Variants in TANC1 observed in about 807,000 individuals in gnomAD.
TANC1 encodes the protein tetratricopeptide repeat, ankyrin repeat and coiled-coil containing 1.
In TANC1, 77 loss-of-function variants were observed where a neutral mutation model predicts 149.7. The observed-to-expected ratio is 0.51, with a 90% CI of 0.43 to 0.62. The LOEUF is 0.62. TANC1 is among the 20% of genes least tolerant of loss of function. The pLI is 0.00. For missense variants in TANC1, 1,985 were observed against 2,321.8 expected, an observed-to-expected ratio of 0.85 and a Z score of 2.98; for synonymous variants, 854 against 925.0, an observed-to-expected ratio of 0.92 and a Z score of 1.39.
intron 22 of TANC1, among the ~76,000 whole-genome samples, chr2:159,220,745 C>T (rs770184380): frequency 8.5e-5 from 13 of 152,092 alleles, no homozygotes; most frequent in Non-Finnish European, 1.8e-4. Flanking sequence ...CATGCACCAC[C>T]GTACCTGGCT....
chr2:159,060,141 C>G, intron 2 of TANC1: 1 of 933,696 alleles, frequency 1.1e-6, no homozygotes, highest in Non-Finnish European at 1.3e-6. Context: ...GTTTTAAGAA[C>G]TTTTCAAGCT....
chr2:159,044,106 C>G (rs967244800), intron 2 of TANC1, among the ~76,000 whole-genome samples: 50 of 152,282 alleles, frequency 3.3e-4, no homozygotes, highest in African/African-American at 1.2e-3. Flanking sequence ...GCTGAGATCT[C>G]CCTGTATTGT....
intron 8 of TANC1, among the ~76,000 whole-genome samples, chr2:159,164,063 A>T (rs923675593): frequency 6.6e-6 from 1 of 152,184 alleles, no homozygotes; most frequent in Admixed American, 6.5e-5. Flanking sequence ...TCAATCAAGG[A>T]AATGAAAATA....
chr2:159,004,406 C>T, intron 2 of TANC1: 1 of 967,280 alleles, frequency 1.0e-6, no homozygotes, highest in African/African-American at 1.6e-5. Context: ...CAGAGAACAT[C>T]ACCTGTTACT....
chr2:159,102,125 C>G (rs573663675), intron 4 of TANC1, among the ~76,000 whole-genome samples: 26 of 152,276 alleles, frequency 1.7e-4, no homozygotes, highest in Admixed American at 7.2e-4. Flanking sequence ...ACTCCCTCCC[C>G]CAACCCGCAA....
intron 4 of TANC1, among the ~76,000 whole-genome samples, chr2:159,125,635 G>A (rs2049366956): frequency 7.2e-6 from 1 of 138,590 alleles, no homozygotes; most frequent in Non-Finnish European, 1.6e-5. Context: ...TGTTGCCCAG[G>A]CTGGAGTGCA....
intron 2 of TANC1, among the ~76,000 whole-genome samples, chr2:159,060,360 G>A (rs1016269637): frequency 2.0e-5 from 3 of 152,184 alleles, no homozygotes; most frequent in Non-Finnish European, 1.5e-5. Flanking sequence ...CGTGCACAGA[G>A]TATGTGTGTT....
At chr2:159,102,167 C>T (rs975962448) in intron 4 of TANC1, among the ~76,000 whole-genome samples, 2 of 152,158 alleles carry the variant, frequency 1.3e-5, no homozygotes, top group Non-Finnish European at 2.9e-5. Flanking sequence ...GAAATCCCAT[C>T]GAAAAAGAAC....
At chr2:159,075,418 A>AC (rs1368948965) in intron 3 of TANC1, among the ~76,000 whole-genome samples, 4 of 88,814 alleles carry the variant, frequency 4.5e-5, no homozygotes, top group Non-Finnish European at 1.5e-4. Flanking sequence ...AAAAAAAACA[A>AC]AAAAAAAACT....
chr2:158,981,596 A>T (rs1029665858), intron 1 of TANC1, among the ~76,000 whole-genome samples: 1 of 143,528 alleles, frequency 7.0e-6, no homozygotes, highest in African/African-American at 2.5e-5. Context: ...TATCAAAGGG[A>T]TGCAAGTTGA....
chr2:159,148,570 C>T (rs377659481), intron 5 of TANC1: 1 of 152,270 alleles, frequency 6.6e-6, no homozygotes. Context: ...TTTGTTTCAA[C>T]TTGGATTCTT....
In TANC1 at chr2:159,136,188, CT is replaced by C; in HGVS notation, c.260-5del. On this transcript the variant is annotated splice_polypyrimidine_tract_variant and splice_region_variant and intron_variant, in intron 4 of 26. Transcript: ENST00000263635. ...ATTAGCCACACTCAGATCTTTCCCA[CT>C]ACAGGTCCCGTCAGGAAGCCCAAGT... 1 of 1,566,608 alleles carries C rather than the reference CT, an allele frequency of 6.4e-7. No homozygotes were observed. The highest frequency in any genetic ancestry group is 8.8e-7 in the Non-Finnish European group (1 of 1,136,746).
intron 2 of TANC1, among the ~76,000 whole-genome samples, chr2:159,065,082 A>G (rs1479932208): frequency 3.3e-5 from 5 of 152,180 alleles, no homozygotes; most frequent in African/African-American, 7.2e-5. Context: ...GTGGGGAGAG[A>G]GAGCTTAAAG....
intron 2 of TANC1, among the ~76,000 whole-genome samples, chr2:159,035,585 A>G (rs1286178377): frequency 6.6e-6 from 1 of 152,192 alleles, no homozygotes; most frequent in African/African-American, 2.4e-5. Flanking sequence ...GTAACCTCTC[A>G]AACACCACTC....
intron 11 of TANC1, 21 bp from the exon 12 acceptor site, chr2:159,174,932 G>C (rs868627122): frequency 5.0e-6 from 8 of 1,597,610 alleles, no homozygotes; most frequent in Middle Eastern, 3.3e-4. Context: ...AGGTGATGCT[G>C]ACGGTTCTGC....
chr2:159,163,455 G>A lies in TANC1; in HGVS notation c.855G>A (p.Leu285=), dbSNP rs745695626. The A allele has an allele frequency of 1.2e-6, 2 of 1,613,934 alleles. No homozygotes were observed. Among genetic ancestry groups the A allele is most frequent in the African/African-American group, 1.3e-5 (1 of 74,926 alleles). Residue 285 remains leucine, a synonymous_variant, in exon 8 of 27, where the codon CTG becomes CTA. Coordinates refer to ENST00000263635, the MANE Select transcript of TANC1 (RefSeq NM_033394.3). Reference sequence around the variant, plus strand: ...CCACCGGGTCAGCAGAGAGCACGCTGCCCAAAGCAGAATCCTCAGCTGGAG... The same window carrying A: ...CCACCGGGTCAGCAGAGAGCACGCTACCCAAAGCAGAATCCTCAGCTGGAG... The part of the protein sequence containing the change: ...EETTGSAEST[L]PKAESSAGDG...
At chr2:159,139,314 CT>C (rs2051111934) in intron 5 of TANC1, among the ~76,000 whole-genome samples, 1 of 152,182 alleles carries the variant, frequency 6.6e-6, no homozygotes, top group Non-Finnish European at 1.5e-5. Context: ...GCATTTTCTA[CT>C]CTAGGAAAAA....
rs534305744 is a variant in TANC1, at chr2:159,192,429, G to C, written c.2743-1828G>C. On this transcript the variant is annotated intron_variant, in intron 16 of 26. Coordinates refer to ENST00000263635, the MANE Select transcript of TANC1 (RefSeq NM_033394.3). ...CTCCTAACATACTGGGATTACAGTT[G>C]TGAGCCACTGCACCCAGCCACAATT... 8.3e-4 allele frequency among the ~76,000 whole-genome samples: 127 copies of C among 152,120 alleles called. 1 individual carries two copies. Among genetic ancestry groups the C allele is most frequent in the African/African-American group, 2.9e-3 (122 of 41,504 alleles).
At chr2:159,055,691 A>C (rs1235158173) in intron 2 of TANC1, among the ~76,000 whole-genome samples, 1 of 151,814 alleles carries the variant, frequency 6.6e-6, no homozygotes, top group Non-Finnish European at 1.5e-5. Context: ...TGGCTATCCT[A>C]CCTCTCAGGG....
Sources: gnomAD v4.1 joint callset for allele counts (sites outside exome capture counted in the v4.1 genomes callset) on GRCh38, gnomAD v4.1.1 for gene constraint, MANE v1.5 for transcripts, NCBI Gene and HGNC (gene_info 2026-07-23, HGNC 2026-07-21) for gene names.